The following COL2A1 variants were observed in gnomAD, a reference collection of about 807,000 sequenced individuals.
COL2A1 encodes the protein collagen type II alpha 1 chain, also known as collagen alpha-1(II) chain.
COL2A1 carries 28 observed loss-of-function variants against 204.5 expected under a neutral mutation model. That is an observed-to-expected ratio of 0.14 (90% CI 0.10 to 0.19). The LOEUF (loss-of-function observed/expected upper bound fraction) is 0.19, where lower values mean the gene tolerates loss of function less well. Among genes scored for constraint, COL2A1 ranks in the 10% least tolerant of loss-of-function variants. The pLI is 1.00. For synonymous variants in COL2A1, 708 were observed against 718.7 expected (o/e 0.99, Z 0.24); for missense variants, 1,388 against 2,027.5 (o/e 0.68, Z 6.06).
In COL2A1 at chr12:47,980,728, G is replaced by T; in HGVS notation, c.2518-67C>A. On this transcript the variant is annotated intron_variant, in intron 38 of 53. Transcript: ENST00000380518. This position sits in a 1 kb window ranked among gnomAD's most constrained non-coding sequence, Gnocchi z 4.5. Reference sequence around the variant, plus strand: ...AAAACCCTGGAGCTCTTCCAGAAGAGCAGGAGACTCTGTGAGTATCTGCGT... The same window carrying T: ...AAAACCCTGGAGCTCTTCCAGAAGATCAGGAGACTCTGTGAGTATCTGCGT... 1 of 1,510,682 alleles carries T rather than the reference G, an allele frequency of 6.6e-7. No individual in the cohort carries two copies. The allele number at this position is 1,510,682 out of a possible 1,614,324, so 93.6% of individuals were successfully genotyped here.
intron 53 of COL2A1, among the ~76,000 whole-genome samples, chr12:47,973,771 C>G (rs1016724735): frequency 6.6e-6 from 1 of 152,150 alleles, no homozygotes; most frequent in Admixed American, 6.5e-5. Context: ...CTGCCCTTCC[C>G]CTCCTTCCCC....
At position 47,979,524 on chromosome 12, in the gene COL2A1, G is replaced by T; in HGVS notation, c.2720C>A (p.Pro907His). The T allele has an allele frequency of 6.2e-7, 1 of 1,613,638 alleles. No individual in the cohort carries two copies. The highest frequency in any genetic ancestry group is 8.5e-7 in the Non-Finnish European group (1 of 1,179,966). The change falls in exon 41 of 54, where the codon CCC (proline) becomes CAC (histidine). Residue 907 changes from proline (P) to histidine (H), a missense_variant. This residue lies in a region of COL2A1 where 884 missense variants were observed against 1,415.8 expected (regional missense o/e 0.62). Transcript: ENST00000380518. ...GFPGAAGRVGPPGSNGNPGPP... is the reference protein window; with the variant it reads ...GFPGAAGRVGHPGSNGNPGPP... ...AGCATCACTTACATTGGAGCCTGGG[G>T]GTCCAACGCGGCCAGCAGCTCCAGG...
chr12:47,995,193 A>T, intron 11 of COL2A1, 62 bp downstream of exon 11: 3 of 1,463,812 alleles, frequency 2.0e-6, no homozygotes, highest in Non-Finnish European at 2.9e-6. Flanking sequence ...CCCCAAGCAC[A>T]CACCCTCTCC....
At chr12:47,982,644 C>T (rs772509018) in intron 33 of COL2A1, 35 bp from the exon 34 acceptor site, 12 of 1,487,270 alleles carry the variant, frequency 8.1e-6, no homozygotes, top group Non-Finnish European at 9.3e-7. Flanking sequence ...CTGTAGTGGA[C>T]AGCACCTCTC....
chr12:47,990,422 T>C (rs1451215375), intron 16 of COL2A1, among the ~76,000 whole-genome samples: 1 of 152,078 alleles, frequency 6.6e-6, no homozygotes, highest in Non-Finnish European at 1.5e-5. Flanking sequence ...GAGAATTGAG[T>C]GTAAGGAAAT....
At chr12:48,002,827 C>G (rs537496317) in intron 1 of COL2A1, 2 of 152,394 alleles carry the variant, frequency 1.3e-5, no homozygotes, top group South Asian at 4.1e-4. Flanking sequence ...CCGGGTGACC[C>G]GGCCAGAGTC....
chr12:47,974,888 T>C, intron 51 of COL2A1, 26 bp from the exon 52 acceptor site: 3 of 1,606,822 alleles, frequency 1.9e-6, no homozygotes, highest in Non-Finnish European at 2.6e-6. Flanking sequence ...GCAGCACCCA[T>C]GGGGGCTCAG....
chr12:47,990,532 G>T (rs1362547615), intron 16 of COL2A1, among the ~76,000 whole-genome samples: 2 of 152,262 alleles, frequency 1.3e-5, no homozygotes, highest in South Asian at 2.1e-4. Flanking sequence ...CTTGGTTAAG[G>T]CCTCCTCTTG....
At chr12:47,979,636 CGGGGGTGG>C in intron 40 of COL2A1, 72 bp from the exon 41 acceptor site, 2 of 673,240 alleles carry the variant, frequency 3.0e-6, no homozygotes, top group Non-Finnish European at 2.3e-6. Flanking sequence ...GGGCGGGGGG[CGGGGGTGG>C]TCTCAGAGCC....
intron 18 of COL2A1, among the ~76,000 whole-genome samples, chr12:47,988,085 G>A (rs1427170537): frequency 2.0e-5 from 3 of 152,168 alleles, no homozygotes; most frequent in South Asian, 2.1e-4. Context: ...GACGGACACC[G>A]CTCTCTCCCC....
chr12:47,973,415 A>C lies in COL2A1; in HGVS notation c.4456T>G (p.Phe1486Val). Reference protein sequence around the residue: ...EFGVDIGPVCFL With the variant: ...EFGVDIGPVCVL ...TTTCTGGGTTCAGGTTTTTACAAGAAGCAGACCGGCCCTATGTCCACACCG... is the reference window on the plus strand; with the variant it reads ...TTTCTGGGTTCAGGTTTTTACAAGACGCAGACCGGCCCTATGTCCACACCG... Residue 1486 changes from phenylalanine (F) to valine (V), a missense_variant, in exon 54 of 54, where the codon TTC becomes GTC. This residue lies in a region of COL2A1 where 303 missense variants were observed against 369.2 expected (regional missense o/e 0.82). Coordinates refer to ENST00000380518, the MANE Select transcript of COL2A1 (RefSeq NM_001844.5). The C allele has an allele frequency of 2.5e-6, 4 of 1,614,186 alleles. No homozygotes were observed. The highest frequency in any genetic ancestry group is 3.4e-6 in the Non-Finnish European group (4 of 1,180,036).
intron 28 of COL2A1, 136 bp from the exon 29 acceptor site, chr12:47,984,276 C>T (rs1939262119): frequency 1.2e-6 from 1 of 817,958 alleles, no homozygotes; most frequent in Non-Finnish European, 2.1e-6. Flanking sequence ...CATTTCCACA[C>T]CTTCCCCTCC....
intron 23 of COL2A1, 52 bp from the exon 24 acceptor site, chr12:47,986,017 C>A: frequency 3.3e-6 from 5 of 1,526,154 alleles, no homozygotes; most frequent in Non-Finnish European, 4.4e-6. Context: ...CCCAACCCAG[C>A]CAGGCTCCAG....
intron 32 of COL2A1, 36 bp from the exon 33 acceptor site, chr12:47,982,982 GCAGTGGGGGAGA>G: frequency 6.2e-7 from 1 of 1,608,786 alleles, no homozygotes. Context: ...TCAACCAACA[GCAGTGGGGGAGA>G]AGGTCCAGGG....
Position 47,983,416 on chromosome 12 carries a change from G to C in COL2A1, c.2018C>G (p.Pro673Arg). The C allele has an allele frequency of 6.2e-7, 1 of 1,614,130 alleles. No individual in the cohort carries two copies. Among genetic ancestry groups the C allele is most frequent in the Non-Finnish European group, 8.5e-7 (1 of 1,179,992 alleles). The change falls in exon 31 of 54, where the codon CCC (proline) becomes CGC (arginine). Residue 673 changes from proline to arginine, a missense_variant. Physicochemically the swap from Pro to Arg is moderately radical, Grantham distance 103. This residue lies in a region of COL2A1 where 884 missense variants were observed against 1,415.8 expected (regional missense o/e 0.62). Coordinates refer to ENST00000380518, the MANE Select transcript of COL2A1 (RefSeq NM_001844.5). ...GFQGLPGPPG[P>R]PGEGGKPGDQ... ...ACCTGGTTTTCCACCTTCACCTGGG[G>C]GACCAGGAGGGCCAGGAAGTCCCTA... is the stretch of plus-strand genomic sequence containing the variant.
At position 47,980,077 on chromosome 12, in the gene COL2A1, G is replaced by A. The variant is rs1938962620; in HGVS notation, c.2626-15C>T. 4 of 1,551,624 alleles carry A rather than the reference G, an allele frequency of 2.6e-6. No homozygotes were observed. In the East Asian group the frequency reaches 7.3e-5, roughly 28 times the overall value. On this transcript the variant is annotated splice_polypyrimidine_tract_variant and intron_variant, in intron 39 of 53. Coordinates refer to ENST00000380518, the MANE Select transcript of COL2A1 (RefSeq NM_001844.5). The surrounding 1 kb of genome is among the most constrained non-coding windows in gnomAD (Gnocchi z 4.5). ...CCAGTAGGACCCTGGAAAGGAAAGA[G>A]GGAGACAGTGAGGCCCAGTGGCCCA...
chr12:48,005,682 A>G (rs1458398717), upstream of COL2A1: 3 of 152,206 alleles, frequency 2.0e-5, no homozygotes, highest in Non-Finnish European at 4.4e-5. Flanking sequence ...CAGGGAGGAA[A>G]CGTCCCCAAA....
chr12:47,977,810 C>A (rs891451358), intron 44 of COL2A1, among the ~76,000 whole-genome samples, 157 bp from the exon 45 acceptor site: 8 of 152,224 alleles, frequency 5.3e-5, no homozygotes, highest in Admixed American at 3.3e-4. Flanking sequence ...CCTCCTCCTT[C>A]CGGAAGCAGC....
At chr12:47,989,668 G>A (rs1939607816) in intron 17 of COL2A1, 93 bp downstream of exon 17, 3 of 1,076,090 alleles carry the variant, frequency 2.8e-6, no homozygotes, top group East Asian at 2.4e-5. Flanking sequence ...TGCTGCTGTG[G>A]TTGCACCCAA....
Sources: gnomAD v4.1 joint callset for allele counts (sites outside exome capture counted in the v4.1 genomes callset) on GRCh38, gnomAD v4.1.1 for gene constraint, gnomAD v4.1.1 regional missense constraint, Gnocchi (gnomAD v3.1) non-coding constraint, MANE v1.5 for transcripts, NCBI Gene and HGNC (gene_info 2026-07-23, HGNC 2026-07-21) for gene names.